ARHGAP11B: variants seen among roughly 807,000 people sequenced by gnomAD.
The protein encoded by ARHGAP11B is inactive Rho GTPase-activating protein 11B.
In ARHGAP11B, 14 loss-of-function variants were observed where a neutral mutation model predicts 27.6. That is an observed-to-expected ratio of 0.51 (90% confidence interval 0.34 to 0.79). The LOEUF (loss-of-function observed/expected upper bound fraction) is 0.79, where lower values mean the gene tolerates loss of function less well. ARHGAP11B is among the 30% of genes least tolerant of loss of function. The pLI is 0.02. For synonymous variants in ARHGAP11B, 82 were observed against 114.1 expected (o/e 0.72, Z 1.80); for missense variants, 245 against 320.1 (o/e 0.77, Z 1.79).
intron 8 of ARHGAP11B, among the ~76,000 whole-genome samples, chr15:30,645,285 T>C (rs1190020034): frequency 1.3e-5 from 2 of 152,014 alleles, no homozygotes; most frequent in Admixed American, 1.3e-4. Flanking sequence ...GGGAAAATTA[T>C]TCATTGTGGC....
chr15:30,643,242 C>T (rs563585761), intron 7 of ARHGAP11B, among the ~76,000 whole-genome samples: 3 of 150,158 alleles, frequency 2.0e-5, no homozygotes, highest in Non-Finnish European at 4.4e-5. Flanking sequence ...GTCAGAATTT[C>T]TCAGACTTTT....
intron 7 of ARHGAP11B, among the ~76,000 whole-genome samples, chr15:30,641,369 C>G (rs1312288024): frequency 6.9e-6 from 1 of 145,436 alleles, no homozygotes; most frequent in Non-Finnish European, 1.5e-5. Flanking sequence ...GAGTTTTGCT[C>G]TTGTTGCCCA....
chr15:30,644,261 A>T (rs1304664498), intron 7 of ARHGAP11B, among the ~76,000 whole-genome samples: 1 of 151,940 alleles, frequency 6.6e-6, no homozygotes, highest in Admixed American at 6.6e-5. Context: ...TGAAAATAGG[A>T]TTGTGTCTTT....
chr15:30,638,651 G>A, intron 6 of ARHGAP11B, 95 bp from the exon 7 acceptor site: 4 of 670,942 alleles, frequency 6.0e-6, no homozygotes, highest in Admixed American at 3.7e-5. Context: ...CCGATGTAAA[G>A]TTACATGTTG....
chr15:30,633,955 T>G (rs1489061350), intron 3 of ARHGAP11B, among the ~76,000 whole-genome samples: 8 of 151,610 alleles, frequency 5.3e-5, no homozygotes, highest in Middle Eastern at 3.4e-3. Context: ...AGCCTGGGAG[T>G]TTGAAGCCAG....
chr15:30,634,356 C>T, exon 4 of ARHGAP11B: 1 of 1,613,504 alleles, frequency 6.2e-7, no homozygotes, highest in Non-Finnish European at 8.5e-7. Context: ...GCTCTCCTGT[C>T]TTCTGGCTGA....
chr15:30,646,416 T>C (rs149540185), intron 9 of ARHGAP11B: 13 of 170,902 alleles, frequency 7.6e-5, no homozygotes, highest in Admixed American at 1.3e-4. Flanking sequence ...TGATTTTAGG[T>C]TTATGCAAAT....
At chr15:30,647,329 G>T (rs2060356536) in intron 9 of ARHGAP11B, among the ~76,000 whole-genome samples, 1 of 151,830 alleles carries the variant, frequency 6.6e-6, no homozygotes. Context: ...TCTGTAGTGG[G>T]CCCTCATTTG....
At chr15:30,647,620 T>A (rs1231387110) in intron 9 of ARHGAP11B, 1 of 173,006 alleles carries the variant, frequency 5.8e-6, no homozygotes, top group Non-Finnish European at 1.4e-5. Flanking sequence ...TTGTGTGAGT[T>A]AAATATTTTA....
Position 30,635,475 on chromosome 15 carries a change from A to G in ARHGAP11B, c.661-12A>G, listed in dbSNP as rs766278322. ...GATAATAATTGTCTTACTTGTGAAC[A>G]TTTTCATTTAGGGCGTGTACCAGAC... On this transcript the variant is annotated splice_polypyrimidine_tract_variant and intron_variant, in intron 5 of 10. Transcript: ENST00000428041. The G allele has an allele frequency of 1.2e-6, 2 of 1,611,390 alleles. No individual in the cohort carries two copies. Among genetic ancestry groups the G allele is most frequent in the South Asian group, 1.1e-5 (1 of 90,646 alleles).
intron 2 of ARHGAP11B, among the ~76,000 whole-genome samples, chr15:30,631,441 G>A (rs1302637039): frequency 2.0e-5 from 3 of 151,996 alleles, no homozygotes; most frequent in Admixed American, 1.3e-4. Flanking sequence ...CAGGAGGATC[G>A]CTTGAGCTCA....
At chr15:30,628,252 T>C in intron 1 of ARHGAP11B, among the ~76,000 whole-genome samples, 1 of 151,782 alleles carries the variant, frequency 6.6e-6, no homozygotes, top group Non-Finnish European at 1.5e-5. Flanking sequence ...GGCTAATTTT[T>C]TGTATTTTTT....
At chr15:30,631,963 T>A (rs961477350) in intron 2 of ARHGAP11B, among the ~76,000 whole-genome samples, 1 of 148,332 alleles carries the variant, frequency 6.7e-6, no homozygotes, top group African/African-American at 2.5e-5. Flanking sequence ...ATTTTTGTAT[T>A]TTAGTAGAGA....
At position 30,633,589 on chromosome 15, in the gene ARHGAP11B, G is replaced by A. The variant is rs1293407079; in HGVS notation, c.297+3G>A. 6.2e-7 allele frequency: 1 copy of A among 1,605,894 alleles called. No homozygotes were observed. The highest frequency in any genetic ancestry group is 8.5e-7 in the Non-Finnish European group (1 of 1,176,448). The stretch of plus-strand genomic sequence containing the variant: ...TGATTCGCCTAAAAGCACTAAAGGT[G>A]AGCATATTGTTGAACTATAATTTTT... On this transcript the variant is annotated splice_donor_region_variant and intron_variant, in intron 3 of 10. Transcript: ENST00000428041.
intron 1 of ARHGAP11B, among the ~76,000 whole-genome samples, chr15:30,628,829 G>A (rs1595670026): frequency 1.3e-5 from 2 of 152,014 alleles, no homozygotes; most frequent in South Asian, 4.1e-4. Flanking sequence ...AACATTTTAT[G>A]AGATTAAATT....
At chr15:30,637,797 A>G (rs2060290366) in intron 6 of ARHGAP11B, among the ~76,000 whole-genome samples, 1 of 146,670 alleles carries the variant, frequency 6.8e-6, no homozygotes, top group South Asian at 2.1e-4. Flanking sequence ...TCTACCCTAC[A>G]TATTGCTATT....
intron 2 of ARHGAP11B, among the ~76,000 whole-genome samples, chr15:30,633,199 C>A: frequency 1.4e-5 from 2 of 148,084 alleles, no homozygotes; most frequent in Non-Finnish European, 3.0e-5. Context: ...GAAGTAGAGG[C>A]AGAAAAAAAA....
At chr15:30,645,660 C>G (rs1490820853) in intron 8 of ARHGAP11B, among the ~76,000 whole-genome samples, 4 of 151,944 alleles carry the variant, frequency 2.6e-5, no homozygotes, top group African/African-American at 9.7e-5. Context: ...GGATTTGGAG[C>G]TAAAATTTCA....
At chr15:30,637,331 TA>T (rs1398018336) in intron 6 of ARHGAP11B, among the ~76,000 whole-genome samples, 509 of 151,830 alleles carry the variant, frequency 3.4e-3, no homozygotes, top group African/African-American at 0.011. Flanking sequence ...ATTCCCTAGA[TA>T]ACTCAGGCTT....
Sources: allele counts gnomAD v4.1 joint callset (sites outside exome capture counted in the v4.1 genomes callset), GRCh38; gene constraint gnomAD v4.1.1; transcripts MANE v1.5; gene names NCBI Gene and HGNC (gene_info 2026-07-23, HGNC 2026-07-21).